Variants in ADAMTSL1 observed in about 807,000 individuals in gnomAD.
The protein encoded by ADAMTSL1 is ADAMTS like 1.
A neutral mutation model predicts 201.8 loss-of-function variants in ADAMTSL1; 126 were observed. That is an observed-to-expected ratio of 0.62 (90% CI 0.54 to 0.72). ADAMTSL1 has a LOEUF of 0.72. Ranked by LOEUF, ADAMTSL1 falls within the 30% of genes least tolerant of loss-of-function variation. ADAMTSL1 has a pLI of 0.00. For synonymous variants in ADAMTSL1, 1,121 were observed against 903.4 expected, an observed-to-expected ratio of 1.24 and a Z score of -4.32; for missense variants, 2,679 against 2,277.8, an observed-to-expected ratio of 1.18 and a Z score of -3.59.
intron 28 of ADAMTSL1, 45 bp from the exon 29 acceptor site, chr9:18,908,397 C>T (rs1206279914): frequency 1.3e-6 from 2 of 1,488,342 alleles, no homozygotes; most frequent in East Asian, 2.5e-5. Flanking sequence ...CTCTGTTTCA[C>T]ATCTCTTTTC....
At position 18,375,566 on chromosome 9, in the gene ADAMTSL1, C is replaced by T. The variant is rs561074553; in HGVS notation, c.208-129263C>T. Reference sequence around the variant, plus strand: ...AACATATTTAGTATGACTCCTCCTTCTGTGTCTGGAGTTGGTTCCTTCCGG... The same window carrying T: ...AACATATTTAGTATGACTCCTCCTTTTGTGTCTGGAGTTGGTTCCTTCCGG... On this transcript the variant is annotated intron_variant, in intron 2 of 29. Transcript: ENST00000680146. Among the ~76,000 whole-genome samples, 149 of 152,308 alleles carry T rather than the reference C, an allele frequency of 9.8e-4. 2 individuals carry two copies. Among genetic ancestry groups the T allele is most frequent in the Middle Eastern group, 3.4e-3 (1 of 294 alleles).
intron 7 of ADAMTSL1, among the ~76,000 whole-genome samples, chr9:18,643,542 G>C (rs1827583211): frequency 6.6e-6 from 1 of 152,002 alleles, no homozygotes; most frequent in Non-Finnish European, 1.5e-5. Flanking sequence ...TATAGTTTCA[G>C]GTCTTACACT....
chr9:18,385,712 TA>T (rs1269091101), intron 2 of ADAMTSL1, among the ~76,000 whole-genome samples: 1 of 152,176 alleles, frequency 6.6e-6, no homozygotes, highest in Non-Finnish European at 1.5e-5. Flanking sequence ...CCCTTCTTTT[TA>T]AAAAGCAAAA....
chr9:18,800,657 A>G (rs1236825365), intron 20 of ADAMTSL1, among the ~76,000 whole-genome samples: 2 of 152,190 alleles, frequency 1.3e-5, no homozygotes, highest in Non-Finnish European at 2.9e-5. Context: ...GAAATAAAAA[A>G]GAAAGTATAA....
In ADAMTSL1 at chr9:18,649,020, T is replaced by C. The variant is rs1050924911; in HGVS notation, c.835-8619T>C. Among the ~76,000 whole-genome samples, 57 of 152,304 alleles carry C rather than the reference T, an allele frequency of 3.7e-4. 1 individual carries two copies. Among genetic ancestry groups the C allele is most frequent in the African/African-American group, 1.3e-3 (54 of 41,588 alleles). On this transcript the variant is annotated intron_variant, in intron 7 of 28. Coordinates refer to ENST00000380548, the MANE Select transcript of ADAMTSL1 (RefSeq NM_001040272.6). ...TTCCATTCTCCCCATCACTTTCAGG[T>C]ACACCAATCAGACGCAGATTTGGTC...
chr9:18,031,341 C>T (rs1422459038), intron 1 of ADAMTSL1, among the ~76,000 whole-genome samples: 2 of 151,574 alleles, frequency 1.3e-5, no homozygotes, highest in Admixed American at 1.3e-4. Flanking sequence ...TCTTTTTTTC[C>T]TTTGAAGCCT....
chr9:18,508,511 A>G (rs1817819995), intron 2 of ADAMTSL1, among the ~76,000 whole-genome samples: 1 of 152,124 alleles, frequency 6.6e-6, no homozygotes, highest in Non-Finnish European at 1.5e-5. Flanking sequence ...TTATCTTTTA[A>G]GTTGTCAAGC....
At chr9:18,776,752 C>G (rs1386377718) in intron 18 of ADAMTSL1, 29 bp from the exon 19 acceptor site, 1 of 1,517,792 alleles carries the variant, frequency 6.6e-7, no homozygotes, top group East Asian at 2.5e-5. Context: ...ACCTCTTTCT[C>G]TGTCCCTTCG....
chr9:18,035,929 T>C (rs953574856), intron 1 of ADAMTSL1, among the ~76,000 whole-genome samples: 1 of 152,188 alleles, frequency 6.6e-6, no homozygotes, highest in Admixed American at 6.5e-5. Flanking sequence ...GATGGGGACC[T>C]ATAGTGGAAA....
chr9:18,233,369 C>CT (rs1487457170), intron 2 of ADAMTSL1, among the ~76,000 whole-genome samples: 4 of 152,166 alleles, frequency 2.6e-5, no homozygotes, highest in Non-Finnish European at 5.9e-5. Flanking sequence ...TGAATTTCAT[C>CT]TTTTTTATCT....
rs73420856 is a variant in ADAMTSL1, at chr9:18,095,982, G to C, written c.88-67880G>C. ...TTCAGGACTATGGATCTTTTTATTT[G>C]GTCTTGTCTGTATTGTAACTCTTTC... On this transcript the variant is annotated intron_variant, in intron 1 of 29. Transcript: ENST00000680146. Among the ~76,000 whole-genome samples the C allele has an allele frequency of 3.0e-3, 454 of 152,140 alleles. 3 individuals carry two copies. Among genetic ancestry groups the C allele is most frequent in the African/African-American group, 0.01 (421 of 41,506 alleles).
At chr9:17,974,282 A>G (rs567035660) in intron 1 of ADAMTSL1, among the ~76,000 whole-genome samples, 67 of 152,134 alleles carry the variant, frequency 4.4e-4, no homozygotes, top group Non-Finnish European at 7.8e-4. Context: ...AGGGTATTCA[A>G]TGAGGAAAAG....
At chr9:18,169,510 G>C (rs961537987) in intron 2 of ADAMTSL1, among the ~76,000 whole-genome samples, 8 of 152,146 alleles carry the variant, frequency 5.3e-5, no homozygotes, top group African/African-American at 1.7e-4. Context: ...CCAGTACCAT[G>C]CTGTTTTGGT....
At chr9:18,391,748 A>G (rs1035812478) in intron 2 of ADAMTSL1, among the ~76,000 whole-genome samples, 19 of 152,106 alleles carry the variant, frequency 1.2e-4, no homozygotes, top group African/African-American at 4.3e-4. Context: ...AACAGAAAAG[A>G]CAATGAAGAC....
rs551666291 is a variant in ADAMTSL1 at position 18,219,343 on chromosome 9, T to C, written c.207+55362T>C. On this transcript the variant is annotated intron_variant, in intron 2 of 29. Transcript: ENST00000680146. The stretch of plus-strand genomic sequence containing the variant: ...AATCCAATATATATTTACATTTTAT[T>C]TTTATTTATTTATTTATTTATTTAT... Among the ~76,000 whole-genome samples the C allele has an allele frequency of 2.1e-5, 3 of 145,410 alleles. No individual in the cohort carries two copies. In the East Asian group the frequency reaches 6.1e-4, roughly 29 times the overall value.
intron 23 of ADAMTSL1, among the ~76,000 whole-genome samples, chr9:18,874,641 G>A (rs1828037503): frequency 6.6e-6 from 1 of 152,088 alleles, no homozygotes; most frequent in Non-Finnish European, 1.5e-5. Flanking sequence ...TGATCAAGGT[G>A]GATTATCTTT....
intron 1 of ADAMTSL1, among the ~76,000 whole-genome samples, chr9:18,105,168 T>C (rs957452023): frequency 6.6e-6 from 1 of 152,186 alleles, no homozygotes; most frequent in African/African-American, 2.4e-5. Flanking sequence ...CTCTTGGTTG[T>C]CTCACCTGTA....
intron 1 of ADAMTSL1, among the ~76,000 whole-genome samples, chr9:18,037,125 A>G (rs1821232928): frequency 6.6e-6 from 1 of 152,180 alleles, no homozygotes; most frequent in African/African-American, 2.4e-5. Flanking sequence ...ATGATGAACT[A>G]TGCATTAAAT....
chr9:18,153,164 G>A lies in ADAMTSL1; in HGVS notation c.88-10698G>A, dbSNP rs370162102. ...GAGCTTGCAGTCAGCTATGATCCACGTCATCCACATCCTATACTTGCCAAC... is the reference window on the plus strand; with the variant it reads ...GAGCTTGCAGTCAGCTATGATCCACATCATCCACATCCTATACTTGCCAAC... On this transcript the variant is annotated intron_variant, in intron 1 of 29. Transcript: ENST00000680146. Among the ~76,000 whole-genome samples the A allele has an allele frequency of 1.5e-3, 234 of 152,086 alleles. 3 individuals carry two copies. Among genetic ancestry groups the A allele is most frequent in the South Asian group, 5.0e-3 (24 of 4,822 alleles).
Sources: allele counts gnomAD v4.1 joint callset (sites outside exome capture counted in the v4.1 genomes callset), GRCh38; gene constraint gnomAD v4.1.1; transcripts MANE v1.5; gene names NCBI Gene and HGNC (gene_info 2026-07-23, HGNC 2026-07-21).